The following COPG1 variants were observed in gnomAD, a reference collection of about 807,000 sequenced individuals.
The protein encoded by COPG1 is coat protein complex I subunit gamma 1.
COPG1 carries 29 observed loss-of-function variants against 102.8 expected under a neutral mutation model. The observed-to-expected ratio is 0.28, with a 90% CI of 0.21 to 0.38. The LOEUF is 0.38. Ranked by LOEUF, COPG1 falls within the 10% of genes least tolerant of loss-of-function variation. The pLI is 1.00. For missense variants in COPG1, 875 were observed against 1,132.7 expected, an observed-to-expected ratio of 0.77 and a Z score of 3.27; for synonymous variants, 406 against 421.6, an observed-to-expected ratio of 0.96 and a Z score of 0.45.
intron 12 of COPG1, among the ~76,000 whole-genome samples, chr3:129,263,382 G>T (rs2107676321): frequency 1.3e-5 from 2 of 152,262 alleles, no homozygotes; most frequent in South Asian, 4.1e-4. Flanking sequence ...TTGTCTGACA[G>T]GCAGTTGGAA....
chr3:129,277,173 G>T lies in COPG1; in HGVS notation c.2495-121G>T, dbSNP rs1940288068. The T allele has an allele frequency of 1.5e-5, 15 of 1,000,632 alleles. No individual in the cohort carries two copies. The South Asian group carries it at 1.9e-4, about 13-fold the overall frequency. 62.0% of individuals were successfully genotyped at this position (1,000,632 alleles called of 1,614,324 possible). ...TCCCTCACTCAGGGATTTCAGCCCA[G>T]CTCTCCTGCCCGTTTCACTACACCA... On this transcript the variant is annotated intron_variant, in intron 23 of 23. Transcript: ENST00000314797.
intron 10 of COPG1, among the ~76,000 whole-genome samples, chr3:129,259,258 C>T (rs1440738848): frequency 6.6e-6 from 1 of 151,920 alleles, no homozygotes; most frequent in Non-Finnish European, 1.5e-5. Flanking sequence ...GTCAGGAGTC[C>T]GAGGCCAGCC....
Position 129,265,552 on chromosome 3 carries a change from G to A in COPG1, c.1228G>A (p.Gly410Ser), listed in dbSNP as rs1279772492. The A allele has an allele frequency of 1.2e-6, 2 of 1,614,012 alleles. No individual in the cohort carries two copies. The highest frequency in any genetic ancestry group is 1.7e-5 in the Admixed American group (1 of 60,010). ...TTAGCTCAGCTTCTCTCTGCAGGGT[G>A]GCTTTGAGTATAAGCGCGCTATCGT... Reference protein sequence around the residue: ...FLFTMLREEGGFEYKRAIVDC... With the variant: ...FLFTMLREEGSFEYKRAIVDC... Residue 410 changes from glycine to serine, a missense_variant, in exon 14 of 24, where the codon GGC (glycine) becomes AGC (serine). By Grantham distance (56) the Gly-to-Ser change is moderately conservative. Transcript: ENST00000314797.
Position 129,265,569 on chromosome 3 carries a change from C to G in COPG1, c.1245C>G (p.Arg415=). The G allele has an allele frequency of 6.2e-7, 1 of 1,614,184 alleles. No homozygotes were observed. The highest frequency in any genetic ancestry group is 8.5e-7 in the Non-Finnish European group (1 of 1,180,016). Residue 415 remains arginine, a synonymous_variant, in exon 14 of 24, where the codon CGC becomes CGG. Coordinates refer to ENST00000314797, the MANE Select transcript of COPG1 (RefSeq NM_016128.4). ...LREEGGFEYK[R]AIVDCIISII... ...TGCAGGGTGGCTTTGAGTATAAGCG[C>G]GCTATCGTGGACTGCATCATCAGCA...
chr3:129,275,211 G>A lies in COPG1; in HGVS notation c.2413G>A (p.Val805Met). ...CATTACAGAGGCTGTGGGTAATATT[G>A]TGAAGTTCTTGGGAATGCACCCTTG... ...KTLEEAVGNI[V>M]KFLGMHPCER... Residue 805 changes from valine (V) to methionine (M), a missense_variant, in exon 23 of 24, where the codon GTG (valine) becomes ATG (methionine). Transcript: ENST00000314797. This position sits in a 1 kb window ranked among gnomAD's most constrained non-coding sequence, Gnocchi z 5.0. 3 of 1,614,110 alleles carry A rather than the reference G, an allele frequency of 1.9e-6. No homozygotes were observed. Among genetic ancestry groups the A allele is most frequent in the Non-Finnish European group, 1.7e-6 (2 of 1,179,974 alleles).
chr3:129,258,800 G>C lies in COPG1; in HGVS notation c.871+940G>C, dbSNP rs531624721. Among the ~76,000 whole-genome samples the C allele has an allele frequency of 2.0e-5, 3 of 152,314 alleles. No individual in the cohort carries two copies. In the East Asian group the frequency reaches 5.8e-4, roughly 29 times the overall value. On this transcript the variant is annotated intron_variant, in intron 10 of 23. Coordinates refer to ENST00000314797, the MANE Select transcript of COPG1 (RefSeq NM_016128.4). ...GGGAATCCAGCAGCCTTGAGTCCTGGAGTCTTTGGTGTCTCCTCTGTGCAG... is the reference window on the plus strand; with the variant it reads ...GGGAATCCAGCAGCCTTGAGTCCTGCAGTCTTTGGTGTCTCCTCTGTGCAG...
At chr3:129,272,676 G>A in intron 20 of COPG1, 131 bp from the exon 21 acceptor site, 2 of 632,650 alleles carry the variant, frequency 3.2e-6, no homozygotes, top group African/African-American at 1.8e-5. Flanking sequence ...TGGATGGCTT[G>A]TTGCTGCTAC....
Position 129,271,700 on chromosome 3 carries a change from A to T in COPG1, c.1844-67A>T. The T allele has an allele frequency of 6.3e-7, 1 of 1,589,380 alleles. No individual in the cohort carries two copies. Among genetic ancestry groups the T allele is most frequent in the South Asian group, 1.1e-5 (1 of 87,448 alleles). ...ACCTTGAGAATGGTCATGGGAATTTATTAGAAACCATCAACAAGTTGGTCT... is the reference window on the plus strand; with the variant it reads ...ACCTTGAGAATGGTCATGGGAATTTTTTAGAAACCATCAACAAGTTGGTCT... On this transcript the variant is annotated intron_variant, in intron 18 of 23. Coordinates refer to ENST00000314797, the MANE Select transcript of COPG1 (RefSeq NM_016128.4). This position sits in a 1 kb window ranked among gnomAD's most constrained non-coding sequence, Gnocchi z 4.7.
Position 129,255,014 on chromosome 3 carries a change from C to T in COPG1, c.429C>T (p.Tyr143=). The change falls in exon 7 of 24, where the codon TAC becomes TAT. Residue 143 remains tyrosine (Y), a synonymous_variant. Coordinates refer to ENST00000314797, the MANE Select transcript of COPG1 (RefSeq NM_016128.4). ...DSTMLQAIER[Y]MKQAIVDKVP... ...CCATGCTGCAGGCTATTGAGCGCTA[C>T]ATGAAACAAGCCATTGTGGACAAGG... The T allele has an allele frequency of 6.2e-7, 1 of 1,614,172 alleles. No individual in the cohort carries two copies. Among genetic ancestry groups the T allele is most frequent in the Non-Finnish European group, 8.5e-7 (1 of 1,180,010 alleles).
rs1939842102 is a variant in COPG1 at position 129,257,720 on chromosome 3, T to C, written c.738-7T>C. 6.8e-6 allele frequency: 11 copies of C among 1,613,774 alleles called. No homozygotes were observed. In the East Asian group the frequency reaches 2.5e-4, roughly 36 times the overall value. ...ACGTTTTCTTGCCACCCTATGTTCT[T>C]TTGTAGCCGTGACAGCCCACTGTTT... is the stretch of plus-strand genomic sequence containing the variant. On this transcript the variant is annotated splice_polypyrimidine_tract_variant and splice_region_variant and intron_variant, in intron 9 of 23. Transcript: ENST00000314797.
At chr3:129,257,122 A>G (rs1939825029) in intron 8 of COPG1, among the ~76,000 whole-genome samples, 1 of 152,112 alleles carries the variant, frequency 6.6e-6, no homozygotes, top group Non-Finnish European at 1.5e-5. Flanking sequence ...TCTGGCTCCC[A>G]CCTTCTCTCT....
At chr3:129,249,771 A>C in intron 1 of COPG1, 25 bp downstream of exon 1, 1 of 1,546,028 alleles carries the variant, frequency 6.5e-7, no homozygotes, top group Non-Finnish European at 8.7e-7. Flanking sequence ...CCTGGGTCTG[A>C]GGGAGGCCGG....
At chr3:129,256,477 C>G (rs1406895548) in intron 8 of COPG1, among the ~76,000 whole-genome samples, 1 of 152,222 alleles carries the variant, frequency 6.6e-6, no homozygotes, top group Non-Finnish European at 1.5e-5. Flanking sequence ...AAATTTAGGC[C>G]TTTGCCAGCC....
intron 6 of COPG1, 31 bp downstream of exon 6, chr3:129,254,774 G>C: frequency 6.3e-7 from 1 of 1,597,304 alleles, no homozygotes; most frequent in East Asian, 2.2e-5. Flanking sequence ...CCTGCTTCCT[G>C]GCCTCTTGAT....
At chr3:129,268,063 T>A in intron 16 of COPG1, 23 bp downstream of exon 16, 2 of 1,571,476 alleles carry the variant, frequency 1.3e-6, no homozygotes, top group Non-Finnish European at 1.8e-6. Context: ...CTGGCTATCT[T>A]GGACTCAGCA....
At chr3:129,259,907 A>C (rs1939891042) in intron 10 of COPG1, among the ~76,000 whole-genome samples, 1 of 152,198 alleles carries the variant, frequency 6.6e-6, no homozygotes, top group African/African-American at 2.4e-5. Flanking sequence ...CACAGAGGTT[A>C]AGGGCTTAGG....
intron 12 of COPG1, 26 bp downstream of exon 12, chr3:129,260,833 C>T (rs751813451): frequency 2.4e-5 from 38 of 1,607,128 alleles, no homozygotes; most frequent in East Asian, 2.2e-4. Context: ...AGGACACCCA[C>T]GGCCCCCAGA....
chr3:129,256,038 C>T (rs1939802256), intron 7 of COPG1, 30 bp from the exon 8 acceptor site: 38 of 1,600,748 alleles, frequency 2.4e-5, no homozygotes, highest in Non-Finnish European at 3.3e-5. Context: ...CACTTCCTAC[C>T]TGCCCCTTAA....
At chr3:129,260,303 A>T in intron 10 of COPG1, 30 bp from the exon 11 acceptor site, 2 of 1,610,550 alleles carry the variant, frequency 1.2e-6, no homozygotes, top group Non-Finnish European at 1.7e-6. Context: ...AGTGAAGGCA[A>T]CCTGACATGT....
Sources: allele counts gnomAD v4.1 joint callset (sites outside exome capture counted in the v4.1 genomes callset), GRCh38; gene constraint gnomAD v4.1.1; non-coding constraint Gnocchi (gnomAD v3.1); transcripts MANE v1.5; gene names NCBI Gene and HGNC (gene_info 2026-07-23, HGNC 2026-07-21).